Variants in GAB2 observed in about 807,000 individuals in gnomAD.
GAB2 encodes GRB2-associated-binding protein 2.
In GAB2, 26 loss-of-function variants were observed where a neutral mutation model predicts 65.5. That is an observed-to-expected ratio of 0.40 (90% CI 0.29 to 0.55). GAB2 has a LOEUF of 0.55. Among genes scored for constraint, GAB2 ranks in the 20% least tolerant of loss-of-function variants. The pLI, the probability that GAB2 is intolerant of heterozygous loss-of-function variation, is 0.53. For missense variants in GAB2, 884 were observed against 875.8 expected, an observed-to-expected ratio of 1.01 and a Z score of -0.12; for synonymous variants, 321 against 329.6, an observed-to-expected ratio of 0.97 and a Z score of 0.28.
At chr11:78,334,898 C>T (rs1855973492) in intron 1 of GAB2, among the ~76,000 whole-genome samples, 2 of 152,188 alleles carry the variant, frequency 1.3e-5, no homozygotes, top group Non-Finnish European at 2.9e-5. Flanking sequence ...TCTACATCCT[C>T]GCCAGCATTT....
At chr11:78,337,709 C>A (rs1856025374) in intron 1 of GAB2, among the ~76,000 whole-genome samples, 1 of 152,214 alleles carries the variant, frequency 6.6e-6, no homozygotes, top group Non-Finnish European at 1.5e-5. Context: ...ATAAATGAAT[C>A]ACAAATGAGT....
chr11:78,231,158 A>G (rs1864835849), intron 3 of GAB2, among the ~76,000 whole-genome samples: 1 of 152,226 alleles, frequency 6.6e-6, no homozygotes, highest in South Asian at 2.1e-4. Context: ...GAAGATACTC[A>G]AACACAAGCA....
At position 78,225,159 on chromosome 11, in the gene GAB2, C is replaced by G. The variant is rs769791970; in HGVS notation, c.1251G>C (p.Glu417Asp). Reference protein sequence around the residue: ...ETYEYPQRGGESAGRSAESMS... With the variant: ...ETYEYPQRGGDSAGRSAESMS... ...TGGATTCAGCAGACCGGCCTGCACT[C>G]TCTCCACCACGCTGTGGGTACTCGT... Residue 417 changes from glutamate (E) to aspartate (D), a missense_variant, in exon 5 of 10, where the codon GAG (glutamate) becomes GAC (aspartate). Coordinates refer to ENST00000361507, the MANE Select transcript of GAB2 (RefSeq NM_080491.3). 3.7e-6 allele frequency: 6 copies of G among 1,613,698 alleles called. No homozygotes were observed. The highest frequency in any genetic ancestry group is 4.2e-6 in the Non-Finnish European group (5 of 1,179,670).
chr11:78,220,496 AC>A, intron 8 of GAB2, 52 bp from the exon 9 acceptor site: 1 of 1,503,824 alleles, frequency 6.6e-7, no homozygotes, highest in Non-Finnish European at 8.9e-7. Context: ...AGACTAACCC[AC>A]CACCCAGAAA....
rs374502228 is a variant in GAB2 at position 78,239,402 on chromosome 11, G to T, written c.620+10755C>A. Among the ~76,000 whole-genome samples the T allele has an allele frequency of 2.6e-5, 4 of 152,040 alleles. No individual in the cohort carries two copies. The East Asian group carries it at 7.7e-4, about 29-fold the overall frequency. On this transcript the variant is annotated intron_variant, in intron 3 of 9. Coordinates refer to ENST00000361507, the MANE Select transcript of GAB2 (RefSeq NM_080491.3). ...CACCCTGCTAATTTTTGTATTTTTA[G>T]TAGAGACAGGGTTTTACCATGTTGG...
intron 1 of GAB2, among the ~76,000 whole-genome samples, chr11:78,308,573 T>TAC (rs1459651264): frequency 1.3e-5 from 2 of 152,172 alleles, no homozygotes; most frequent in African/African-American, 2.4e-5. Flanking sequence ...CCAAGCTATA[T>TAC]ACACAACATG....
intron 1 of GAB2, among the ~76,000 whole-genome samples, chr11:78,416,447 G>A (rs1857196906): frequency 1.3e-5 from 2 of 152,200 alleles, no homozygotes; most frequent in Non-Finnish European, 2.9e-5. Context: ...AATTCTGGTA[G>A]GCTTCTGCCT....
At chr11:78,279,288 A>G (rs1866264370) in intron 2 of GAB2, among the ~76,000 whole-genome samples, 1 of 152,174 alleles carries the variant, frequency 6.6e-6, no homozygotes, top group South Asian at 2.1e-4. Context: ...AAAAACTATT[A>G]AGAACTTCAA....
intron 8 of GAB2, 31 bp downstream of exon 8, chr11:78,221,646 G>A (rs1411332564): frequency 9.9e-6 from 14 of 1,408,320 alleles, no homozygotes; most frequent in Admixed American, 8.7e-5. Flanking sequence ...GACTTGAAAG[G>A]CGTCATTCCA....
chr11:78,267,353 C>T (rs986595638), intron 2 of GAB2, among the ~76,000 whole-genome samples: 3 of 152,202 alleles, frequency 2.0e-5, no homozygotes, highest in African/African-American at 7.2e-5. Context: ...CCAGTTAGTC[C>T]TGACACACGT....
chr11:78,258,197 C>A (rs1865644184), intron 2 of GAB2, among the ~76,000 whole-genome samples: 1 of 152,144 alleles, frequency 6.6e-6, no homozygotes, highest in Non-Finnish European at 1.5e-5. Context: ...CACCTCAGAC[C>A]TCATTAGTCA....
In GAB2 at chr11:78,250,360, G is replaced by C; in HGVS notation, c.417C>G (p.Arg139=). 1 of 1,613,346 alleles carries C rather than the reference G, an allele frequency of 6.2e-7. No individual in the cohort carries two copies. Among genetic ancestry groups the C allele is most frequent in the Non-Finnish European group, 8.5e-7 (1 of 1,179,522 alleles). Residue 139 remains arginine, a synonymous_variant, in exon 3 of 10, where the codon CGC becomes CGG. Coordinates refer to ENST00000361507, the MANE Select transcript of GAB2 (RefSeq NM_080491.3). ...AGCTGCTGAGCTCAGCTGGAGAAGA[G>C]CGGGGGCCATGACCGGCTGAGGAAA... ...RNVSSAGHGP[R]SSPAELSSSS...
At chr11:78,410,444 T>C (rs1377427294) in intron 1 of GAB2, among the ~76,000 whole-genome samples, 1 of 152,164 alleles carries the variant, frequency 6.6e-6, no homozygotes, top group Non-Finnish European at 1.5e-5. Context: ...GTGGAGGTTG[T>C]AGTGAGCTGA....
chr11:78,318,977 A>G (rs1306684228), intron 1 of GAB2, among the ~76,000 whole-genome samples: 5 of 152,138 alleles, frequency 3.3e-5, no homozygotes, highest in Admixed American at 3.3e-4. Context: ...TTATCCCAGC[A>G]ACCTCATCCC....
rs565540567 is a variant in GAB2, at chr11:78,246,760, A to C, written c.620+3397T>G. Among the ~76,000 whole-genome samples the C allele has an allele frequency of 2.0e-5, 3 of 152,192 alleles. No individual in the cohort carries two copies. In the East Asian group the frequency reaches 5.8e-4, roughly 29 times the overall value. ...GTGATCTGCCCACCTCAGCCTCCCA[A>C]AGTGCTAGAATTATAGGCGTGAGCC... is the stretch of plus-strand genomic sequence containing the variant. On this transcript the variant is annotated intron_variant, in intron 3 of 9. Coordinates refer to ENST00000361507, the MANE Select transcript of GAB2 (RefSeq NM_080491.3).
chr11:78,233,369 G>C (rs1864899664), intron 3 of GAB2, among the ~76,000 whole-genome samples: 1 of 152,100 alleles, frequency 6.6e-6, no homozygotes, highest in African/African-American at 2.4e-5. Flanking sequence ...TTCCAGCAGA[G>C]GTAAAGCAGA....
intron 1 of GAB2, among the ~76,000 whole-genome samples, chr11:78,416,851 G>C (rs1417864513): frequency 6.6e-6 from 1 of 150,838 alleles, no homozygotes; most frequent in African/African-American, 2.4e-5. Context: ...CAGGCTGCCA[G>C]TTCCCCACCT....
At chr11:78,297,645 C>A (rs895184753) in intron 1 of GAB2, among the ~76,000 whole-genome samples, 1 of 151,840 alleles carries the variant, frequency 6.6e-6, no homozygotes, top group African/African-American at 2.4e-5. Context: ...GGCTGGAACA[C>A]AGTAAACAAA....
chr11:78,280,974 A>G (rs1177468881), intron 1 of GAB2, 73 bp from the exon 2 acceptor site: 78 of 1,309,962 alleles, frequency 6.0e-5, no homozygotes, highest in Non-Finnish European at 8.0e-5. Flanking sequence ...TTTCTTTCAG[A>G]GACAGGTCTT....
Sources: gnomAD v4.1 joint callset for allele counts (sites outside exome capture counted in the v4.1 genomes callset) on GRCh38, gnomAD v4.1.1 for gene constraint, MANE v1.5 for transcripts, NCBI Gene and HGNC (gene_info 2026-07-23, HGNC 2026-07-21) for gene names.